Variants in DYDC1 observed in about 807,000 individuals in gnomAD.
The protein encoded by DYDC1 is DPY30 domain-containing protein 1.
In DYDC1, 21 loss-of-function variants were observed where a neutral mutation model predicts 27.9. The observed-to-expected ratio is 0.75, with a 90% CI of 0.53 to 1.08. DYDC1 has a LOEUF of 1.08. Ranked by LOEUF, DYDC1 falls within the 50% of genes least tolerant of loss-of-function variation. The probability of loss-of-function intolerance (pLI) is 0.00; values close to 1 mark genes in which losing one functional copy is unlikely to be tolerated. For synonymous variants in DYDC1, 67 were observed against 65.8 expected, an observed-to-expected ratio of 1.02 and a Z score of -0.09; for missense variants, 202 against 205.9, an observed-to-expected ratio of 0.98 and a Z score of 0.12.
intron 1 of DYDC1, among the ~76,000 whole-genome samples, chr10:80,356,000 A>T (rs541255940): frequency 6.6e-6 from 1 of 151,984 alleles, no homozygotes; most frequent in African/African-American, 2.4e-5. Flanking sequence ...AAAAAAAAAA[A>T]AAAAAGGTGC....
chr10:80,356,578 CG>C (rs2132869828), intron 1 of DYDC1, 133 bp downstream of exon 1: 1 of 985,528 alleles, frequency 1.0e-6, no homozygotes, highest in East Asian at 1.1e-4. Flanking sequence ...AGGCGCGAAG[CG>C]GCCTCTCTCC....
intron 4 of DYDC1, among the ~76,000 whole-genome samples, chr10:80,341,754 C>G (rs7913893): frequency 1 from 152,026 of 152,304 alleles, 75,875 homozygotes; most frequent in Middle Eastern, 1. Flanking sequence ...GCCAGGGGCG[C>G]TGGCTCATGC....
intron 1 of DYDC1, among the ~76,000 whole-genome samples, chr10:80,354,121 TA>T (rs373127565): frequency 9.4e-4 from 135 of 144,032 alleles, no homozygotes; most frequent in African/African-American, 3.3e-3. Flanking sequence ...GTCTCATATA[TA>T]AAAAAAAATA....
At chr10:80,341,781 T>C (rs1842327996) in intron 4 of DYDC1, among the ~76,000 whole-genome samples, 2 of 152,122 alleles carry the variant, frequency 1.3e-5, no homozygotes, top group Admixed American at 1.3e-4. Flanking sequence ...TCCCAGCACT[T>C]TGGGAGGCCA....
downstream of DYDC1, chr10:80,336,016 C>G (rs1477626147): frequency 1.6e-6 from 1 of 627,028 alleles, no homozygotes; most frequent in Non-Finnish European, 2.8e-6. Context: ...TGAGGCTACT[C>G]TTGAAGCCCA....
chr10:80,352,738 G>T, intron 1 of DYDC1, 128 bp from the exon 2 acceptor site: 1 of 1,173,828 alleles, frequency 8.5e-7, no homozygotes. Context: ...TCCCATTGGG[G>T]GTGTCACAAG....
At chr10:80,351,302 A>T (rs536037805) in intron 3 of DYDC1, among the ~76,000 whole-genome samples, 4 of 152,046 alleles carry the variant, frequency 2.6e-5, no homozygotes, top group Admixed American at 1.3e-4. Context: ...ATCCAGGCCC[A>T]TTTCCTCTCA....
At chr10:80,340,761 C>T (rs1367430734) in intron 4 of DYDC1, among the ~76,000 whole-genome samples, 1 of 151,994 alleles carries the variant, frequency 6.6e-6, no homozygotes, top group Non-Finnish European at 1.5e-5. Context: ...TATTTTGATA[C>T]AAGCATACAA....
intron 1 of DYDC1, among the ~76,000 whole-genome samples, chr10:80,354,208 C>T (rs771101335): frequency 8.6e-5 from 13 of 150,454 alleles, no homozygotes; most frequent in African/African-American, 1.5e-4. Context: ...GAATATTTGC[C>T]GGGCACAGTG....
intron 4 of DYDC1, among the ~76,000 whole-genome samples, chr10:80,340,811 C>T (rs1341741946): frequency 2.0e-5 from 3 of 152,100 alleles, no homozygotes; most frequent in Non-Finnish European, 4.4e-5. Context: ...ATATCCATCA[C>T]CTTAAACATT....
chr10:80,337,108 A>T, intron 6 of DYDC1: 1 of 983,594 alleles, frequency 1.0e-6, no homozygotes, highest in Non-Finnish European at 1.2e-6. Flanking sequence ...ATACTGGATG[A>T]CTTCAGTCCC....
chr10:80,342,512 A>T, intron 3 of DYDC1, 151 bp from the exon 4 acceptor site: 1 of 627,552 alleles, frequency 1.6e-6, no homozygotes, highest in South Asian at 3.1e-5. Flanking sequence ...TAAAATTTTT[A>T]AAAAAGATTT....
In DYDC1 at chr10:80,342,301, C is replaced by T. The variant is rs1180821636; in HGVS notation, c.310G>A (p.Glu104Lys). Residue 104 changes from glutamate to lysine, a missense_variant, in exon 4 of 7, where the codon GAA (glutamate) becomes AAA (lysine). Coordinates refer to ENST00000372202, the MANE Select transcript of DYDC1 (RefSeq NM_001269053.2). ...MQEKERQRIQ[E>K]LQRAQEQLGK... ...AATTGTTCTTGAGCTCTCTGTAGTT[C>T]TTGTATTCTCTGCCTCTCCTTTTCT... 3 of 1,613,828 alleles carry T rather than the reference C, an allele frequency of 1.9e-6. No individual in the cohort carries two copies.
intron 6 of DYDC1, chr10:80,337,044 C>T: frequency 1.1e-6 from 1 of 878,894 alleles, no homozygotes; most frequent in Non-Finnish European, 1.4e-6. Context: ...CCTTTATCCA[C>T]CTCTCCAGCT....
At chr10:80,339,902 A>G (rs537311374) in intron 4 of DYDC1, among the ~76,000 whole-genome samples, 1 of 152,202 alleles carries the variant, frequency 6.6e-6, no homozygotes, top group South Asian at 2.1e-4. Context: ...ACAAGGCTAT[A>G]TGGGGAACAT....
chr10:80,342,831 A>G (rs939030358), intron 3 of DYDC1, among the ~76,000 whole-genome samples: 3 of 152,060 alleles, frequency 2.0e-5, no homozygotes, highest in African/African-American at 7.2e-5. Flanking sequence ...AAATACAAAA[A>G]TTAGCTGGGC....
chr10:80,342,197 C>T, intron 4 of DYDC1, 72 bp downstream of exon 4: 1 of 1,447,582 alleles, frequency 6.9e-7, no homozygotes, highest in East Asian at 2.3e-5. Context: ...CTTCTGCTAA[C>T]AGCTGAAATA....
At chr10:80,354,473 T>A (rs1843229713) in intron 1 of DYDC1, 3 of 120,926 alleles carry the variant, frequency 2.5e-5, no homozygotes, top group African/African-American at 3.2e-5. Context: ...GCAACAAGAG[T>A]GAAACTTCGT....
intron 3 of DYDC1, among the ~76,000 whole-genome samples, chr10:80,350,301 C>T (rs377053147): frequency 2.0e-5 from 3 of 152,250 alleles, no homozygotes; most frequent in South Asian, 4.2e-4. Flanking sequence ...ATAAAGTAGT[C>T]GAGCCGAAGA....
Sources: allele counts gnomAD v4.1 joint callset (sites outside exome capture counted in the v4.1 genomes callset), GRCh38; gene constraint gnomAD v4.1.1; transcripts MANE v1.5; gene names NCBI Gene and HGNC (gene_info 2026-07-23, HGNC 2026-07-21).